The following AK9 variants were observed in gnomAD, a reference collection of about 807,000 sequenced individuals.
AK9 encodes the protein adenylate kinase domain containing 1.
A neutral mutation model predicts 239.6 loss-of-function variants in AK9; 191 were observed. The observed-to-expected ratio is 0.80, with a 90% CI of 0.71 to 0.90. The LOEUF (loss-of-function observed/expected upper bound fraction) is 0.90, where lower values mean the gene tolerates loss of function less well. Ranked by LOEUF, AK9 falls within the 40% of genes least tolerant of loss-of-function variation. AK9 has a pLI of 0.00. For missense variants in AK9, 1,995 were observed against 2,214.7 expected, an observed-to-expected ratio of 0.90 and a Z score of 1.99; for synonymous variants, 689 against 721.0, an observed-to-expected ratio of 0.96 and a Z score of 0.71.
intron 33 of AK9, among the ~76,000 whole-genome samples, chr6:109,507,302 T>G (rs1778210792): frequency 1.3e-5 from 2 of 151,894 alleles, no homozygotes; most frequent in African/African-American, 4.8e-5. Context: ...ACATATTAGA[T>G]GCTCAAGAAG....
intron 35 of AK9, among the ~76,000 whole-genome samples, chr6:109,499,772 G>C (rs1411635655): frequency 6.6e-6 from 1 of 151,994 alleles, no homozygotes; most frequent in Admixed American, 6.6e-5. Context: ...CTAATTTTTT[G>C]TACTTTTAGT....
chr6:109,524,727 C>T (rs919196782), intron 29 of AK9, among the ~76,000 whole-genome samples: 3 of 152,136 alleles, frequency 2.0e-5, no homozygotes, highest in African/African-American at 7.2e-5. Context: ...TTAATATAAA[C>T]ATTAGAACTA....
chr6:109,632,268 A>G (rs549046475), intron 12 of AK9: 236 of 985,478 alleles, frequency 2.4e-4, no homozygotes, highest in Admixed American at 8.6e-4. Context: ...TGTGGCCTGA[A>G]TTGCTCTGTC....
chr6:109,623,111 T>G (rs185129332), intron 12 of AK9, among the ~76,000 whole-genome samples: 94 of 152,156 alleles, frequency 6.2e-4, no homozygotes, highest in Non-Finnish European at 1.1e-3. Context: ...ATTGCCTGTT[T>G]GATTTTTTTT....
chr6:109,575,593 G>A (rs750847076), intron 20 of AK9, among the ~76,000 whole-genome samples: 14 of 151,996 alleles, frequency 9.2e-5, no homozygotes, highest in South Asian at 2.1e-4. Context: ...TGTCAGATGC[G>A]TAGTTTGTGA....
chr6:109,564,247 G>A lies in AK9; in HGVS notation c.2468C>T (p.Pro823Leu). 6.4e-7 allele frequency: 1 copy of A among 1,550,884 alleles called. No homozygotes were observed. Among genetic ancestry groups the A allele is most frequent in the East Asian group, 2.4e-5 (1 of 40,880 alleles). The change falls in exon 23 of 41, where the codon CCT (proline) becomes CTT (leucine). Residue 823 changes from proline to leucine, a missense_variant. Physicochemically the swap from Pro to Leu is moderately conservative, Grantham distance 98. Around this residue, in one of 5 missense-constraint regions of AK9, gnomAD observed 1,290 missense variants for 1,392.7 expected, o/e 0.93. Transcript: ENST00000424296. The stretch of plus-strand genomic sequence containing the variant: ...AAATGGCTCCATTTCGGGAACATCA[G>A]GATAAGAGTCTTCTGGAAACTCAGG... ...VLPEFPEDSY[P>L]DVPEMEPFKE... is the part of the protein sequence containing the mutation.
chr6:109,649,608 T>G lies in AK9; in HGVS notation c.760-4920A>C, dbSNP rs963320628. Among the ~76,000 whole-genome samples the G allele has an allele frequency of 8.2e-4, 125 of 152,152 alleles. 1 individual carries two copies. Among genetic ancestry groups the G allele is most frequent in the Admixed American group, 2.9e-3 (44 of 15,284 alleles). ...GAGGACACAAACAAATGGAAGAACATTCCATGCTCATGGGTAGGAACAATC... is the reference window on the plus strand; with the variant it reads ...GAGGACACAAACAAATGGAAGAACAGTCCATGCTCATGGGTAGGAACAATC... On this transcript the variant is annotated intron_variant, in intron 8 of 40. Transcript: ENST00000424296.
chr6:109,689,098 G>A (rs1459828337), intron 1 of AK9, among the ~76,000 whole-genome samples: 1 of 152,178 alleles, frequency 6.6e-6, no homozygotes, highest in African/African-American at 2.4e-5. Flanking sequence ...CAAGAGTAAG[G>A]AAAATCTAGA....
intron 27 of AK9, 140 bp from the exon 28 acceptor site, chr6:109,533,610 A>G: frequency 1.8e-6 from 1 of 571,022 alleles, no homozygotes. Flanking sequence ...TTACTTGTCA[A>G]TGACATATTT....
intron 12 of AK9, among the ~76,000 whole-genome samples, chr6:109,626,882 G>C (rs1795583561): frequency 6.6e-6 from 1 of 152,126 alleles, no homozygotes; most frequent in Non-Finnish European, 1.5e-5. Context: ...GGACATTACT[G>C]TATACTACTA....
Position 109,545,914 on chromosome 6 carries a change from C to T in AK9, c.3178G>A (p.Ala1060Thr), listed in dbSNP as rs747812326. 6.2e-7 allele frequency: 1 copy of T among 1,612,538 alleles called. No individual in the cohort carries two copies. The highest frequency in any genetic ancestry group is 8.5e-7 in the Non-Finnish European group (1 of 1,179,726). Residue 1060 changes from alanine (A) to threonine (T), a missense_variant, in exon 26 of 41, where the codon GCA (alanine) becomes ACA (threonine). Ala to Thr is a moderately conservative substitution (Grantham distance 58). Coordinates refer to ENST00000424296, the MANE Select transcript of AK9 (RefSeq NM_001145128.3). ...QAAKQELEEL[A>T]IQANVKVEEE... Reference sequence around the variant, plus strand: ...TCAACTTTGACATTGGCCTGAATTGCAAGCTCTTCAAGTTCTTGTTTGGCA... The same window carrying T: ...TCAACTTTGACATTGGCCTGAATTGTAAGCTCTTCAAGTTCTTGTTTGGCA...
At chr6:109,651,630 A>G (rs186339378) in intron 8 of AK9, among the ~76,000 whole-genome samples, 122 of 152,336 alleles carry the variant, frequency 8.0e-4, no homozygotes, top group Admixed American at 5.0e-3. Flanking sequence ...TGAATCCAGA[A>G]GCTGGTTTTT....
At chr6:109,494,822 TAA>T (rs35011027) in intron 39 of AK9, among the ~76,000 whole-genome samples, 52,437 of 151,986 alleles carry the variant, frequency 0.35, 9,498 homozygotes, top group South Asian at 0.44. Context: ...TGGCTGCTGC[TAA>T]GTTTTGCTAT....
chr6:109,623,285 A>G (rs1795095389), intron 12 of AK9, among the ~76,000 whole-genome samples: 1 of 152,162 alleles, frequency 6.6e-6, no homozygotes, highest in African/African-American at 2.4e-5. Flanking sequence ...CTTTAGTGTA[A>G]CTAGAACTTA....
chr6:109,560,041 T>C (rs1162049686), intron 24 of AK9, among the ~76,000 whole-genome samples: 2 of 152,196 alleles, frequency 1.3e-5, no homozygotes, highest in Non-Finnish European at 2.9e-5. Flanking sequence ...GTGATTACAT[T>C]GGTCCACGTG....
At position 109,641,584 on chromosome 6, in the gene AK9, T is replaced by C. The variant is rs559052037; in HGVS notation, c.867A>G (p.Leu289=). The change falls in exon 10 of 41, where the codon CTA becomes CTG. Residue 289 remains leucine, a synonymous_variant. Coordinates refer to ENST00000424296, the MANE Select transcript of AK9 (RefSeq NM_001145128.3). ...GTTTGGTTAGAATAGCTGCTCTTTT[T>C]AGGTTCAGATATTTAAGTCGATCCA... ...IVMDRLKYLN[L]KRAAILTKLQ... 12 of 1,613,530 alleles carry C rather than the reference T, an allele frequency of 7.4e-6. No individual in the cohort carries two copies. Among genetic ancestry groups the C allele is most frequent in the Non-Finnish European group, 8.5e-6 (10 of 1,179,470 alleles).
Position 109,619,314 on chromosome 6 carries a change from A to G in AK9, c.1255-78T>C. ...AAACACATTGTTCATCTATCTATGTATATCTATCTATATTTCTATCTCTAT... is the reference window on the plus strand; with the variant it reads ...AAACACATTGTTCATCTATCTATGTGTATCTATCTATATTTCTATCTCTAT... On this transcript the variant is annotated intron_variant, in intron 12 of 40. Transcript: ENST00000424296. 9 of 1,347,008 alleles carry G rather than the reference A, an allele frequency of 6.7e-6. No individual in the cohort carries two copies. The Middle Eastern group carries it at 1.0e-3, about 152-fold the overall frequency. 83.4% of individuals were successfully genotyped at this position (1,347,008 alleles called of 1,614,324 possible).
At chr6:109,517,383 A>G (rs1187345242) in intron 29 of AK9, among the ~76,000 whole-genome samples, 1 of 152,246 alleles carries the variant, frequency 6.6e-6, no homozygotes, top group South Asian at 2.1e-4. Context: ...AAATAAATAC[A>G]GAGACAAAAT....
chr6:109,597,530 A>C (rs970716097), intron 17 of AK9, among the ~76,000 whole-genome samples: 3 of 151,994 alleles, frequency 2.0e-5, no homozygotes, highest in African/African-American at 4.8e-5. Context: ...AAAATTAGCC[A>C]GGTGTGGTGG....
Sources: allele counts gnomAD v4.1 joint callset (sites outside exome capture counted in the v4.1 genomes callset), GRCh38; gene constraint gnomAD v4.1.1; regional missense constraint gnomAD v4.1.1; transcripts MANE v1.5; gene names NCBI Gene and HGNC (gene_info 2026-07-23, HGNC 2026-07-21).